Variants in TIMM9 observed in about 807,000 individuals in gnomAD.
TIMM9 encodes the protein mitochondrial import inner membrane translocase subunit Tim9.
TIMM9 carries 10 observed loss-of-function variants against 13.4 expected under a neutral mutation model. The observed-to-expected ratio is 0.75, with a 90% CI of 0.46 to 1.26. The LOEUF is 1.26. TIMM9 is among the 50% of genes most tolerant of loss of function. The pLI, the probability that TIMM9 is intolerant of heterozygous loss-of-function variation, is 0.00. For missense variants in TIMM9, 87 were observed against 100.8 expected, an observed-to-expected ratio of 0.86 and a Z score of 0.58; for synonymous variants, 32 against 32.1, an observed-to-expected ratio of 1.00 and a Z score of 0.01.
At chr14:58,412,049 T>G (rs2036237639) in intron 3 of TIMM9, 78 bp from the exon 4 acceptor site, 2 of 1,024,770 alleles carry the variant, frequency 2.0e-6, no homozygotes, top group East Asian at 4.9e-5. Flanking sequence ...AGGGAATCAC[T>G]GCTCGTATTT....
At chr14:58,416,053 T>TG (rs2036397033) in intron 3 of TIMM9, among the ~76,000 whole-genome samples, 1 of 133,120 alleles carries the variant, frequency 7.5e-6, no homozygotes, top group African/African-American at 3.0e-5. Flanking sequence ...CCGTCCCTAC[T>TG]GAAAAAAAAA....
intron 2 of TIMM9, among the ~76,000 whole-genome samples, chr14:58,426,100 G>C (rs990938540): frequency 2.0e-5 from 3 of 151,894 alleles, no homozygotes; most frequent in Admixed American, 6.6e-5. Flanking sequence ...CTGTGCCACA[G>C]AGTGAGACTT....
chr14:58,424,900 T>C (rs1183258512), intron 2 of TIMM9, among the ~76,000 whole-genome samples: 3 of 151,772 alleles, frequency 2.0e-5, no homozygotes, highest in Non-Finnish European at 4.4e-5. Flanking sequence ...TCATAAAACC[T>C]AGCATCACAA....
At chr14:58,418,391 T>C (rs2036481707) in intron 3 of TIMM9, among the ~76,000 whole-genome samples, 2 of 152,214 alleles carry the variant, frequency 1.3e-5, no homozygotes, top group African/African-American at 2.4e-5. Context: ...TCCCATAAGA[T>C]TGTGAGCAAG....
intron 3 of TIMM9, among the ~76,000 whole-genome samples, chr14:58,413,570 G>A (rs1259118881): frequency 1.3e-5 from 2 of 152,104 alleles, no homozygotes; most frequent in Non-Finnish European, 2.9e-5. Context: ...AAATAAAAAA[G>A]CCTTTCTGAA....
At chr14:58,415,536 A>G (rs773724488) in intron 3 of TIMM9, among the ~76,000 whole-genome samples, 2 of 152,230 alleles carry the variant, frequency 1.3e-5, no homozygotes, top group African/African-American at 4.8e-5. Context: ...ACCCAAATGG[A>G]AAGTTTAAGA....
At chr14:58,413,018 T>C (rs1427795540) in intron 3 of TIMM9, among the ~76,000 whole-genome samples, 1 of 152,174 alleles carries the variant, frequency 6.6e-6, no homozygotes, top group Non-Finnish European at 1.5e-5. Context: ...ATTTTAAATT[T>C]TTTACTATTA....
At chr14:58,426,205 C>CTTT (rs372570202) in intron 2 of TIMM9, among the ~76,000 whole-genome samples, 4 of 150,118 alleles carry the variant, frequency 2.7e-5, no homozygotes, top group African/African-American at 9.8e-5. Flanking sequence ...CCCTTAAAGT[C>CTTT]TTTTTTTTTC....
chr14:58,418,890 G>T (rs573373298), intron 3 of TIMM9, among the ~76,000 whole-genome samples: 26 of 152,030 alleles, frequency 1.7e-4, no homozygotes, highest in African/African-American at 6.0e-4. Flanking sequence ...CTGATATACG[G>T]GCTTATTGCA....
chr14:58,411,064 CTAACTTAAA>C (rs2036199541), intron 4 of TIMM9, 126 bp from the exon 5 acceptor site: 1 of 670,798 alleles, frequency 1.5e-6, no homozygotes, highest in Admixed American at 2.6e-5. Context: ...AGTTATTATG[CTAACTTAAA>C]TGGGTACAGT....
At chr14:58,413,027 TATACTC>T (rs1328880678) in intron 3 of TIMM9, among the ~76,000 whole-genome samples, 1 of 152,326 alleles carries the variant, frequency 6.6e-6, no homozygotes, top group Non-Finnish European at 1.5e-5. Context: ...TTTTTACTAT[TATACTC>T]AGTCGAATAC....
intron 2 of TIMM9, among the ~76,000 whole-genome samples, chr14:58,425,959 C>G (rs1367719917): frequency 1.3e-5 from 2 of 150,622 alleles, no homozygotes; most frequent in Non-Finnish European, 3.0e-5. Flanking sequence ...AATAAAAATA[C>G]AAAAAAAATT....
chr14:58,412,025 CT>C, intron 3 of TIMM9, 54 bp from the exon 4 acceptor site: 1 of 1,356,478 alleles, frequency 7.4e-7, no homozygotes, highest in Admixed American at 1.8e-5. Context: ...TGTTTTTAGT[CT>C]AACTGAAGAG....
intron 5 of TIMM9, 84 bp downstream of exon 5, chr14:58,410,759 A>C: frequency 1.1e-6 from 1 of 913,634 alleles, no homozygotes; most frequent in South Asian, 1.7e-5. Flanking sequence ...TGTAATAAGT[A>C]GGAACAAGTG....
chr14:58,422,013 CTTTTT>C (rs34329213), intron 3 of TIMM9, among the ~76,000 whole-genome samples: 1 of 121,224 alleles, frequency 8.2e-6, no homozygotes, highest in African/African-American at 3.2e-5. Flanking sequence ...AAAATCTGTT[CTTTTT>C]TTTTTTTTTT....
chr14:58,421,732 T>TA (rs1369932877), intron 3 of TIMM9, among the ~76,000 whole-genome samples: 1 of 152,122 alleles, frequency 6.6e-6, no homozygotes, highest in Admixed American at 6.6e-5. Flanking sequence ...TAAGAACTGG[T>TA]AAAACAACTT....
intron 2 of TIMM9, among the ~76,000 whole-genome samples, chr14:58,426,814 G>A (rs1012178211): frequency 2.6e-5 from 4 of 152,122 alleles, no homozygotes; most frequent in African/African-American, 4.8e-5. Flanking sequence ...ACAGGACCCC[G>A]ACTCCCCAGA....
chr14:58,411,190 G>A (rs1271076481), intron 4 of TIMM9, among the ~76,000 whole-genome samples: 1 of 152,162 alleles, frequency 6.6e-6, no homozygotes. Context: ...GCTCATGCCT[G>A]TAATCCCAGC....
intron 3 of TIMM9, among the ~76,000 whole-genome samples, chr14:58,423,175 T>A (rs1424177088): frequency 1.3e-5 from 2 of 152,036 alleles, no homozygotes. Context: ...TTTTCTTAAG[T>A]CTGCTTAAAT....
Sources: allele counts gnomAD v4.1 joint callset (sites outside exome capture counted in the v4.1 genomes callset), GRCh38; gene constraint gnomAD v4.1.1; transcripts MANE v1.5; gene names NCBI Gene and HGNC (gene_info 2026-07-23, HGNC 2026-07-21).